The following RTN1 variants were observed in gnomAD, a reference collection of about 807,000 sequenced individuals.
RTN1 encodes reticulon 1, also known as reticulon-1.
A neutral mutation model predicts 65.5 loss-of-function variants in RTN1; 25 were observed. That is an observed-to-expected ratio of 0.38 (90% CI 0.28 to 0.53). The LOEUF (loss-of-function observed/expected upper bound fraction) is 0.53, where lower values mean the gene tolerates loss of function less well. Ranked by LOEUF, RTN1 falls within the 20% of genes least tolerant of loss-of-function variation. The pLI is 0.79. For synonymous variants in RTN1, 471 were observed against 447.6 expected (o/e 1.05, Z -0.66); for missense variants, 983 against 1,025.4 (o/e 0.96, Z 0.57).
At chr14:59,746,943 A>G (rs1027609325) in intron 1 of RTN1, among the ~76,000 whole-genome samples, 10 of 152,138 alleles carry the variant, frequency 6.6e-5, no homozygotes, top group African/African-American at 1.7e-4. Context: ...TGGAAATTCA[A>G]TGGCTGGGAG....
chr14:59,817,788 G>A (rs764198487), intron 1 of RTN1, among the ~76,000 whole-genome samples: 6 of 152,100 alleles, frequency 3.9e-5, no homozygotes, highest in African/African-American at 1.2e-4. Flanking sequence ...AGCACATTGC[G>A]TTTTCTCTAT....
rs76834461 is a variant in RTN1 at position 59,644,174 on chromosome 14, G to C, written c.1766-36682C>G. On this transcript the variant is annotated intron_variant, in intron 3 of 8. Coordinates refer to ENST00000267484, the MANE Select transcript of RTN1 (RefSeq NM_021136.3). ...AACTGGTGTGTGTTGCTCTTATGGA[G>C]AGCAATAGAAGGGGCGAATAAATAC... Among the ~76,000 whole-genome samples the C allele has an allele frequency of 3.2e-3, 494 of 152,310 alleles. 5 individuals carry two copies. Among genetic ancestry groups the C allele is most frequent in the Non-Finnish European group, 5.7e-3 (391 of 68,032 alleles).
chr14:59,717,697 C>T (rs142118208), intron 3 of RTN1, among the ~76,000 whole-genome samples: 32 of 152,288 alleles, frequency 2.1e-4, no homozygotes, highest in African/African-American at 6.5e-4. Context: ...CTCTCCCATA[C>T]GGAGGTGGAA....
intron 3 of RTN1, among the ~76,000 whole-genome samples, chr14:59,698,226 A>T (rs1884104507): frequency 6.6e-6 from 1 of 152,170 alleles, no homozygotes; most frequent in African/African-American, 2.4e-5. Flanking sequence ...GGTTCCCTCC[A>T]ACCCAGAAAT....
chr14:59,757,664 C>T (rs1885666686), intron 1 of RTN1, among the ~76,000 whole-genome samples: 1 of 152,158 alleles, frequency 6.6e-6, no homozygotes, highest in East Asian at 1.9e-4. Flanking sequence ...TCTTCCACTA[C>T]TTGAGGACGC....
At chr14:59,749,256 CTATATATATCTATA>C (rs1885320950) in intron 1 of RTN1, among the ~76,000 whole-genome samples, 1 of 33,908 alleles carries the variant, frequency 2.9e-5, no homozygotes, top group South Asian at 7.0e-4. Flanking sequence ...ATCTATATAT[CTATATATATCTATA>C]TATATATCTA....
intron 1 of RTN1, among the ~76,000 whole-genome samples, chr14:59,771,830 C>T (rs1256891600): frequency 6.6e-6 from 1 of 152,152 alleles, no homozygotes; most frequent in Non-Finnish European, 1.5e-5. Context: ...AGACAGCATT[C>T]CCAGAAGAAT....
In RTN1 at chr14:59,727,846, G is replaced by T; in HGVS notation, c.1016-178C>A. The T allele has an allele frequency of 1.1e-6, 1 of 881,924 alleles. No homozygotes were observed. The highest frequency in any genetic ancestry group is 2.1e-5 in the South Asian group (1 of 48,756). 54.6% of individuals were successfully genotyped at this position (881,924 alleles called of 1,614,324 possible). Reference sequence around the variant, plus strand: ...TTCCAGGGCTATGCTGGAAAGACAGGCCACCTGAACTAAAAGGCTAATTAC... The same window carrying T: ...TTCCAGGGCTATGCTGGAAAGACAGTCCACCTGAACTAAAAGGCTAATTAC... On this transcript the variant is annotated intron_variant, in intron 2 of 8. Coordinates refer to ENST00000267484, the MANE Select transcript of RTN1 (RefSeq NM_021136.3). The surrounding 1 kb of genome is among the most constrained non-coding windows in gnomAD (Gnocchi z 4.2).
chr14:59,739,542 A>G (rs1885073978), intron 2 of RTN1, among the ~76,000 whole-genome samples: 1 of 54,784 alleles, frequency 1.8e-5, no homozygotes, highest in African/African-American at 9.4e-5. Context: ...CTCTGTCTCA[A>G]AAAAAAAAAA....
At position 59,870,527 on chromosome 14, in the gene RTN1, G is replaced by A. The variant is rs1167810945; in HGVS notation, c.104C>T (p.Pro35Leu). The change falls in exon 1 of 9, where the codon CCG becomes CTG. Residue 35 changes from proline (P) to leucine (L), a missense_variant. Physicochemically the swap from Pro to Leu is moderately conservative, Grantham distance 98. Transcript: ENST00000267484. The surrounding 1 kb of genome is among the most constrained non-coding windows in gnomAD (Gnocchi z 5.1). Reference sequence around the variant, plus strand: ...CTGCGGCGCCGGCGTGGCCCCTTTCGGCGTCACCGCTTCGTTCTCCCCCTC... The same window carrying A: ...CTGCGGCGCCGGCGTGGCCCCTTTCAGCGTCACCGCTTCGTTCTCCCCCTC... ...RGEGENEAVTPKGATPAPQAG... is the reference protein window; with the variant it reads ...RGEGENEAVTLKGATPAPQAG... 15 of 1,458,962 alleles carry A rather than the reference G, an allele frequency of 1.0e-5. No individual in the cohort carries two copies. Among genetic ancestry groups the A allele is most frequent in the Admixed American group, 9.9e-5 (4 of 40,356 alleles). The allele number at this position is 1,458,962 out of a possible 1,614,324, so 90.4% of individuals were successfully genotyped here.
chr14:59,660,665 T>C (rs559469258), intron 3 of RTN1, among the ~76,000 whole-genome samples: 8 of 152,120 alleles, frequency 5.3e-5, no homozygotes, highest in African/African-American at 1.7e-4. Flanking sequence ...AAGGAAGAAA[T>C]AAATAAGTTA....
chr14:59,655,269 C>T (rs1883100156), intron 3 of RTN1, among the ~76,000 whole-genome samples: 1 of 151,910 alleles, frequency 6.6e-6, no homozygotes, highest in Non-Finnish European at 1.5e-5. Flanking sequence ...AAAGTCATAC[C>T]CTGACAACTA....
intron 1 of RTN1, among the ~76,000 whole-genome samples, chr14:59,801,384 A>G (rs1403831860): frequency 1.3e-5 from 2 of 152,250 alleles, no homozygotes; most frequent in Non-Finnish European, 1.5e-5. Flanking sequence ...AGGGGAGGAA[A>G]GATAAGAACT....
rs1205317696 is a variant in RTN1 at position 59,727,776 on chromosome 14, C to T, written c.1016-108G>A. 9 of 1,407,488 alleles carry T rather than the reference C, an allele frequency of 6.4e-6. No homozygotes were observed. In the East Asian group the frequency reaches 9.9e-5, roughly 15 times the overall value. The allele number at this position is 1,407,488 out of a possible 1,614,324, so 87.2% of individuals were successfully genotyped here. A position where few individuals can be genotyped will look rare whatever the true frequency, so the allele number is the denominator to read the frequency against. On this transcript the variant is annotated intron_variant, in intron 2 of 8. Coordinates refer to ENST00000267484, the MANE Select transcript of RTN1 (RefSeq NM_021136.3). This position sits in a 1 kb window ranked among gnomAD's most constrained non-coding sequence, Gnocchi z 4.2. ...AATTCCATTAGGCGAGATGTTTTGT[C>T]GTTGCTTGAGAAACACATATCTCAT...
At chr14:59,787,191 T>A (rs536015603) in intron 1 of RTN1, among the ~76,000 whole-genome samples, 61 of 152,220 alleles carry the variant, frequency 4.0e-4, no homozygotes, top group African/African-American at 1.4e-3. Context: ...CAGGAAGCCC[T>A]CTGTGACTCA....
Position 59,708,833 on chromosome 14 carries a change from C to G in RTN1, c.1765+18086G>C, listed in dbSNP as rs543232633. On this transcript the variant is annotated intron_variant, in intron 3 of 8. Transcript: ENST00000267484. ...GCACTGAAGAATTCTATCAACTATT[C>G]TATATGTTTGAGGAATTTCATAAGA... 6.7e-4 allele frequency among the ~76,000 whole-genome samples: 102 copies of G among 152,234 alleles called. 2 individuals carry two copies. The South Asian group carries it at 0.02, about 30-fold the overall frequency.
At chr14:59,681,350 A>T (rs1883741542) in intron 3 of RTN1, among the ~76,000 whole-genome samples, 1 of 152,202 alleles carries the variant, frequency 6.6e-6, no homozygotes, top group Non-Finnish European at 1.5e-5. Flanking sequence ...TTCCATGAGT[A>T]ACTGTCTCTC....
chr14:59,630,818 C>T (rs996843096), intron 3 of RTN1: 55 of 1,018,076 alleles, frequency 5.4e-5, no homozygotes, highest in Non-Finnish European at 6.3e-5. Flanking sequence ...CGGTTCTGGC[C>T]GCGAAGGCGC....
chr14:59,745,666 T>A (rs756352790), intron 2 of RTN1, 42 bp downstream of exon 2: 1 of 1,491,282 alleles, frequency 6.7e-7, no homozygotes, highest in Admixed American at 2.3e-5. Flanking sequence ...GAGATTTCCA[T>A]ATGCTGGGTT....
Sources: allele counts gnomAD v4.1 joint callset (sites outside exome capture counted in the v4.1 genomes callset), GRCh38; gene constraint gnomAD v4.1.1; non-coding constraint Gnocchi (gnomAD v3.1); transcripts MANE v1.5; gene names NCBI Gene and HGNC (gene_info 2026-07-23, HGNC 2026-07-21).